IDE: variants seen among roughly 807,000 people sequenced by gnomAD.
IDE encodes the protein insulin degrading enzyme.
In IDE, 58 loss-of-function variants were observed where a neutral mutation model predicts 133.2. The ratio of observed to expected loss-of-function variants is 0.44; its 90% CI spans 0.35 to 0.54. The LOEUF is 0.54. Ranked by LOEUF, IDE falls within the 20% of genes least tolerant of loss-of-function variation. The pLI, the probability that IDE is intolerant of heterozygous loss-of-function variation, is 0.00. For synonymous variants in IDE, 396 were observed against 421.3 expected (o/e 0.94, Z 0.73); for missense variants, 981 against 1,234.0 (o/e 0.79, Z 3.07).
intron 1 of IDE, among the ~76,000 whole-genome samples, chr10:92,546,457 A>G (rs1842537598): frequency 1.3e-5 from 2 of 152,236 alleles, no homozygotes; most frequent in Admixed American, 1.3e-4. Context: ...GATATTACAA[A>G]TATCAACCGC....
At chr10:92,498,142 C>T (rs1414645816) in intron 11 of IDE, among the ~76,000 whole-genome samples, 1 of 152,218 alleles carries the variant, frequency 6.6e-6, no homozygotes, top group East Asian at 1.9e-4. Context: ...AATTAAATGA[C>T]AGCCAGTATT....
chr10:92,491,301 G>A (rs1847326477), intron 11 of IDE, among the ~76,000 whole-genome samples: 2 of 151,342 alleles, frequency 1.3e-5, no homozygotes, highest in South Asian at 4.2e-4. Flanking sequence ...CTCAGGTGCA[G>A]AATTAACAGG....
intron 11 of IDE, among the ~76,000 whole-genome samples, chr10:92,496,984 G>A (rs1847744787): frequency 1.3e-5 from 2 of 152,136 alleles, no homozygotes; most frequent in Non-Finnish European, 2.9e-5. Flanking sequence ...AAAAAGGAGT[G>A]AAGCCTGAAC....
At chr10:92,545,328 C>A (rs186748138) in intron 1 of IDE, among the ~76,000 whole-genome samples, 1 of 152,090 alleles carries the variant, frequency 6.6e-6, no homozygotes, top group Non-Finnish European at 1.5e-5. Flanking sequence ...GATTCTCAAG[C>A]AATATGATTA....
intron 2 of IDE, among the ~76,000 whole-genome samples, chr10:92,535,680 G>C (rs371263360): frequency 6.6e-6 from 1 of 152,144 alleles, no homozygotes; most frequent in South Asian, 2.1e-4. Context: ...AAATGACACT[G>C]AGTTAAAAGT....
chr10:92,507,543 C>A lies in IDE; in HGVS notation c.1245+32G>T. 2.7e-6 allele frequency: 3 copies of A among 1,097,566 alleles called. No homozygotes were observed. The South Asian group carries it at 3.7e-5, about 14-fold the overall frequency. 68.0% of individuals were successfully genotyped at this position (1,097,566 alleles called of 1,614,324 possible). On this transcript the variant is annotated intron_variant, in intron 9 of 24. Coordinates refer to ENST00000265986, the MANE Select transcript of IDE (RefSeq NM_004969.4). ...TGTATTTGCTCTTGAAAAACAGATT[C>A]CTTAAGAAAAATTTTGGTGAAACAA...
At chr10:92,571,260 C>G (rs904514003) in intron 1 of IDE, among the ~76,000 whole-genome samples, 2 of 152,078 alleles carry the variant, frequency 1.3e-5, no homozygotes, top group South Asian at 4.2e-4. Context: ...GTGATCCCCC[C>G]GACCTCGCCC....
At chr10:92,559,609 G>A (rs1000970181) in intron 1 of IDE, among the ~76,000 whole-genome samples, 2 of 152,178 alleles carry the variant, frequency 1.3e-5, no homozygotes, top group Non-Finnish European at 2.9e-5. Context: ...ATGGGCTCAG[G>A]GAAGAGTGGA....
At chr10:92,511,694 A>AT (rs35831688) in intron 5 of IDE, among the ~76,000 whole-genome samples, 62,285 of 151,806 alleles carry the variant, frequency 0.41, 13,548 homozygotes, top group East Asian at 0.67. Flanking sequence ...TTTTGCCTCA[A>AT]TTTTTTTGAC....
At position 92,514,981 on chromosome 10, in the gene IDE, T is replaced by C. The variant is rs367823775; in HGVS notation, c.723A>G (p.Leu241=). 93 of 1,610,790 alleles carry C rather than the reference T, an allele frequency of 5.8e-5. No homozygotes were observed. The African/African-American group carries it at 1.2e-3, about 20-fold the overall frequency. ...NQEGIDVRQE[L]LKFHSAYYSS... is the part of the protein sequence containing the mutation. ...AATAGTAAGCAGAATGGAATTTCAG[T>C]AGCTCTTGTCTTACATCAATGCCTT... Residue 241 remains leucine, a synonymous_variant, in exon 5 of 25, where the codon CTA becomes CTG. Transcript: ENST00000265986.
intron 21 of IDE, among the ~76,000 whole-genome samples, chr10:92,462,621 T>A (rs1285802846): frequency 6.6e-6 from 1 of 151,942 alleles, no homozygotes; most frequent in Non-Finnish European, 1.5e-5. Flanking sequence ...AAAAAAATAA[T>A]AAGTGGATGT....
chr10:92,506,734 T>A (rs939568276), intron 9 of IDE, among the ~76,000 whole-genome samples: 1 of 152,170 alleles, frequency 6.6e-6, no homozygotes, highest in Non-Finnish European at 1.5e-5. Flanking sequence ...CAATCTAGGC[T>A]TAAAACCAAA....
intron 11 of IDE, among the ~76,000 whole-genome samples, chr10:92,495,471 G>A (rs1304622462): frequency 6.6e-6 from 1 of 151,586 alleles, no homozygotes; most frequent in African/African-American, 2.4e-5. Context: ...CGCCCACCTC[G>A]GCCTCCCAAA....
intron 15 of IDE, among the ~76,000 whole-genome samples, chr10:92,478,440 C>A (rs759880414): frequency 1.3e-5 from 2 of 152,136 alleles, no homozygotes; most frequent in African/African-American, 2.4e-5. Context: ...ACGTAGCACA[C>A]ATACATGTTC....
intron 12 of IDE, among the ~76,000 whole-genome samples, chr10:92,488,685 G>C (rs1043579576): frequency 6.6e-6 from 1 of 151,776 alleles, no homozygotes; most frequent in Non-Finnish European, 1.5e-5. Context: ...GCTGAGGCAG[G>C]AGAATCATGT....
chr10:92,507,474 A>G (rs1027153995), intron 9 of IDE, 101 bp downstream of exon 9: 16 of 748,172 alleles, frequency 2.1e-5, no homozygotes, highest in Non-Finnish European at 3.5e-5. Flanking sequence ...TTAGGAAAAA[A>G]ACTTTAAAAG....
chr10:92,484,787 A>G (rs556220048), intron 13 of IDE, among the ~76,000 whole-genome samples: 1 of 151,446 alleles, frequency 6.6e-6, no homozygotes, highest in South Asian at 2.1e-4. Flanking sequence ...ACCAGGCATG[A>G]TGGTTCATGC....
At chr10:92,471,569 G>A (rs1399347413) in intron 17 of IDE, among the ~76,000 whole-genome samples, 2 of 152,028 alleles carry the variant, frequency 1.3e-5, no homozygotes, top group African/African-American at 4.8e-5. Flanking sequence ...CTCTTCACTA[G>A]GCTCCCTCGG....
intron 1 of IDE, among the ~76,000 whole-genome samples, chr10:92,571,454 GAC>G (rs1380531968): frequency 3.3e-5 from 5 of 152,204 alleles, no homozygotes; most frequent in Admixed American, 6.5e-5. Context: ...AGTCCCAACT[GAC>G]ATACCACTGT....
Sources: allele counts gnomAD v4.1 joint callset (sites outside exome capture counted in the v4.1 genomes callset), GRCh38; gene constraint gnomAD v4.1.1; transcripts MANE v1.5; gene names NCBI Gene and HGNC (gene_info 2026-07-23, HGNC 2026-07-21).